The following BARX2 variants were observed in gnomAD, a reference collection of about 807,000 sequenced individuals.
BARX2 encodes homeobox protein BarH-like 2.
A neutral mutation model predicts 25.5 loss-of-function variants in BARX2; 11 were observed. That is an observed-to-expected ratio of 0.43 (90% CI 0.27 to 0.71). The LOEUF is 0.71. Ranked by LOEUF, BARX2 falls within the 30% of genes least tolerant of loss-of-function variation. The pLI, the probability that BARX2 is intolerant of heterozygous loss-of-function variation, is 0.19. For missense variants in BARX2, 360 were observed against 359.9 expected, an observed-to-expected ratio of 1.00 and a Z score of 0.00; for synonymous variants, 137 against 149.5, an observed-to-expected ratio of 0.92 and a Z score of 0.61.
At chr11:129,411,123 G>A (rs1217823862) in intron 1 of BARX2, among the ~76,000 whole-genome samples, 1 of 152,152 alleles carries the variant, frequency 6.6e-6, no homozygotes, top group Non-Finnish European at 1.5e-5. Context: ...TGTAATCCCA[G>A]CACTTTGGGA....
At position 129,436,777 on chromosome 11, in the gene BARX2, C is replaced by G; in HGVS notation, c.214C>G (p.Leu72Val). The change falls in exon 2 of 4, where the codon CTC becomes GTC. Residue 72 changes from leucine to valine, a missense_variant. By Grantham distance (32) the Leu-to-Val change is conservative (BLOSUM62 1). Coordinates refer to ENST00000281437, the MANE Select transcript of BARX2 (RefSeq NM_003658.5). The surrounding 1 kb of genome is among the most constrained non-coding windows in gnomAD (Gnocchi z 4.5). ...CTCCCCTTCCCTGCGGGCATATCCG[C>G]TCCTCTCGGTGATCACCCGCCAGCC... ...TGSPSLRAYP[L>V]LSVITRQPTV... 1 of 1,603,930 alleles carries G rather than the reference C, an allele frequency of 6.2e-7. No homozygotes were observed. The highest frequency in any genetic ancestry group is 8.5e-7 in the Non-Finnish European group (1 of 1,173,890).
chr11:129,434,661 C>T (rs931948417), intron 1 of BARX2, among the ~76,000 whole-genome samples: 1 of 152,152 alleles, frequency 6.6e-6, no homozygotes, highest in African/African-American at 2.4e-5. Context: ...TTCCCCTGCT[C>T]ATGATTATAA....
In BARX2 at chr11:129,376,765, G is replaced by A. The variant is rs1436873139; in HGVS notation, c.187+543G>A. On this transcript the variant is annotated intron_variant, in intron 1 of 3. Transcript: ENST00000281437. This position sits in a 1 kb window ranked among gnomAD's most constrained non-coding sequence, Gnocchi z 4.2. ...TAGTTCTGAAGTACATTGTCTTTGT[G>A]GCACAAGCCGAAAAGGTCACCCTCG... 6.6e-6 allele frequency among the ~76,000 whole-genome samples: 1 copy of A among 152,124 alleles called. No homozygotes were observed. Among genetic ancestry groups the A allele is most frequent in the African/African-American group, 2.4e-5 (1 of 41,436 alleles).
intron 1 of BARX2, among the ~76,000 whole-genome samples, chr11:129,407,959 T>G (rs1180925167): frequency 7.6e-6 from 1 of 132,086 alleles, no homozygotes; most frequent in Admixed American, 9.6e-5. Flanking sequence ...CCCAGCACTT[T>G]GGGAGGCCAA....
At chr11:129,395,542 G>A (rs1493533) in intron 1 of BARX2, among the ~76,000 whole-genome samples, 131,606 of 152,118 alleles carry the variant, frequency 0.87, 56,991 homozygotes, top group Admixed American at 0.91. Flanking sequence ...GAGGCTTTTC[G>A]TGTTCTTGAA....
At chr11:129,420,137 G>A (rs1399255615) in intron 1 of BARX2, among the ~76,000 whole-genome samples, 2 of 151,988 alleles carry the variant, frequency 1.3e-5, no homozygotes, top group Non-Finnish European at 2.9e-5. Flanking sequence ...GTGGGCCTTT[G>A]GGTTGTAACG....
chr11:129,376,024 CG>C lies in BARX2; in HGVS notation c.-11del, dbSNP rs754849635. On this transcript the variant is annotated 5_prime_UTR_variant, in exon 1 of 4. Coordinates refer to ENST00000281437, the MANE Select transcript of BARX2 (RefSeq NM_003658.5). This position sits in a 1 kb window ranked among gnomAD's most constrained non-coding sequence, Gnocchi z 4.2. The stretch of plus-strand genomic sequence containing the variant: ...CCGCGCTCGGGCCGGCGGACGCTCG[CG>C]CCGGCTCACCATGCACTGCCACGCC... The C allele has an allele frequency of 7.4e-6, 11 of 1,488,910 alleles. No homozygotes were observed. The South Asian group carries it at 1.4e-4, about 20-fold the overall frequency. 92.2% of individuals were successfully genotyped at this position (1,488,910 alleles called of 1,614,324 possible).
chr11:129,382,849 C>A (rs1187785487), intron 1 of BARX2, among the ~76,000 whole-genome samples: 1 of 152,144 alleles, frequency 6.6e-6, no homozygotes, highest in Admixed American at 6.5e-5. Context: ...CACTGTGCTG[C>A]AGGTGGCACC....
chr11:129,443,063 G>C (rs1160975567), intron 3 of BARX2, 144 bp downstream of exon 3: 1 of 676,080 alleles, frequency 1.5e-6, no homozygotes, highest in African/African-American at 1.8e-5. Context: ...CGGGGAAGCT[G>C]TTGGATCTGT....
In BARX2 at chr11:129,426,656, C is replaced by T. The variant is rs569145175; in HGVS notation, c.188-10095C>T. On this transcript the variant is annotated intron_variant, in intron 1 of 3. Transcript: ENST00000281437. ...CCTCCCAAAGTGCTGGGATTATAGG[C>T]GTGAGCCACCACACCTGGCCCCGCT... is the stretch of plus-strand genomic sequence containing the variant. Among the ~76,000 whole-genome samples, 10 of 152,242 alleles carry T rather than the reference C, an allele frequency of 6.6e-5. No individual in the cohort carries two copies. The East Asian group carries it at 1.4e-3, about 21-fold the overall frequency.
intron 1 of BARX2, among the ~76,000 whole-genome samples, chr11:129,429,254 G>A (rs1045313249): frequency 6.6e-6 from 1 of 151,966 alleles, no homozygotes; most frequent in African/African-American, 2.4e-5. Flanking sequence ...ACTGGAGGCC[G>A]GGCATGGTGG....
intron 1 of BARX2, among the ~76,000 whole-genome samples, chr11:129,431,008 C>T (rs56209600): frequency 0.026 from 3,892 of 152,210 alleles, 162 homozygotes; most frequent in African/African-American, 0.088. Context: ...ATTATAAGCA[C>T]GCACCACCAC....
chr11:129,423,663 G>A (rs1306104052), intron 1 of BARX2, among the ~76,000 whole-genome samples: 1 of 152,156 alleles, frequency 6.6e-6, no homozygotes, highest in Admixed American at 6.5e-5. Flanking sequence ...AGGCTAATGA[G>A]TAACCTCATT....
chr11:129,451,456 G>C lies in BARX2; in HGVS notation c.*54G>C. 1 of 1,574,166 alleles carries C rather than the reference G, an allele frequency of 6.4e-7. No homozygotes were observed. The highest frequency in any genetic ancestry group is 8.6e-7 in the Non-Finnish European group (1 of 1,156,128). Reference sequence around the variant, plus strand: ...ACTGGGGAGAAGGGAAAAGAGAGAAGGCAGGGAGAGTAGGGAGAGAAAACC... The same window carrying C: ...ACTGGGGAGAAGGGAAAAGAGAGAACGCAGGGAGAGTAGGGAGAGAAAACC... On this transcript the variant is annotated 3_prime_UTR_variant, in exon 4 of 4. Coordinates refer to ENST00000281437, the MANE Select transcript of BARX2 (RefSeq NM_003658.5).
At position 129,376,726 on chromosome 11, in the gene BARX2, G is replaced by A. The variant is rs1365899359; in HGVS notation, c.187+504G>A. On this transcript the variant is annotated intron_variant, in intron 1 of 3. Coordinates refer to ENST00000281437, the MANE Select transcript of BARX2 (RefSeq NM_003658.5). The surrounding 1 kb of genome is among the most constrained non-coding windows in gnomAD (Gnocchi z 4.2). The stretch of plus-strand genomic sequence containing the variant: ...TCACTGAGCTTTGCTTACAATGATC[G>A]CCCTCTGAGAAAGTAGTTCTGAAGT... Among the ~76,000 whole-genome samples the A allele has an allele frequency of 6.6e-6, 1 of 152,116 alleles. No individual in the cohort carries two copies. The highest frequency in any genetic ancestry group is 1.9e-4 in the East Asian group (1 of 5,196).
intron 1 of BARX2, among the ~76,000 whole-genome samples, chr11:129,421,917 C>T (rs571002931): frequency 6.6e-6 from 1 of 152,156 alleles, no homozygotes; most frequent in East Asian, 1.9e-4. Flanking sequence ...AAACTTTTAC[C>T]TGTTGCTTTA....
upstream of BARX2, among the ~76,000 whole-genome samples, chr11:129,375,772 G>A (rs1861495079): frequency 1.3e-5 from 2 of 152,058 alleles, no homozygotes; most frequent in Non-Finnish European, 2.9e-5. This position sits in a 1 kb window ranked among gnomAD's most constrained non-coding sequence, Gnocchi z 4.0. Context: ...CACACACTCC[G>A]CACCCGGCCC....
chr11:129,431,111 TC>T (rs1862124055), intron 1 of BARX2, among the ~76,000 whole-genome samples: 1 of 152,188 alleles, frequency 6.6e-6, no homozygotes, highest in African/African-American at 2.4e-5. Context: ...ATCTACCACC[TC>T]GGCCTCCCAG....
chr11:129,408,475 T>C (rs1477076729), intron 1 of BARX2, among the ~76,000 whole-genome samples: 1 of 152,180 alleles, frequency 6.6e-6, no homozygotes, highest in Non-Finnish European at 1.5e-5. Flanking sequence ...TCACAGTGCG[T>C]CGGTTTTGTT....
Sources: allele counts gnomAD v4.1 joint callset (sites outside exome capture counted in the v4.1 genomes callset), GRCh38; gene constraint gnomAD v4.1.1; non-coding constraint Gnocchi (gnomAD v3.1); transcripts MANE v1.5; gene names NCBI Gene and HGNC (gene_info 2026-07-23, HGNC 2026-07-21).